Variants in DHRS3 observed in about 807,000 individuals in gnomAD.
DHRS3 encodes short-chain dehydrogenase/reductase 3.
Under a neutral mutation model 27.2 loss-of-function variants are expected in DHRS3, and 14 were observed. The observed-to-expected ratio is 0.52, with a 90% CI of 0.34 to 0.81. The LOEUF is 0.81. DHRS3 is among the 30% of genes least tolerant of loss of function. DHRS3 has a pLI of 0.01. For synonymous variants in DHRS3, 165 were observed against 175.9 expected (o/e 0.94, Z 0.49); for missense variants, 322 against 406.2 (o/e 0.79, Z 1.78).
chr1:12,592,436 G>C lies in DHRS3; in HGVS notation c.196-11770C>G, dbSNP rs1457333421. ...GTGTCCTCATGAGAGACAGAAGAAA[G>C]ACATACACAGAGGAGAGGAAGGCCG... is the stretch of plus-strand genomic sequence containing the variant. On this transcript the variant is annotated intron_variant, in intron 1 of 5. Transcript: ENST00000616661. The surrounding 1 kb of genome is among the most constrained non-coding windows in gnomAD (Gnocchi z 4.2). 6.6e-6 allele frequency among the ~76,000 whole-genome samples: 1 copy of C among 152,172 alleles called. No individual in the cohort carries two copies. Among genetic ancestry groups the C allele is most frequent in the Non-Finnish European group, 1.5e-5 (1 of 68,022 alleles).
chr1:12,575,810 G>A (rs58404628), intron 4 of DHRS3, among the ~76,000 whole-genome samples: 2 of 152,044 alleles, frequency 1.3e-5, no homozygotes, highest in Admixed American at 6.6e-5. Context: ...AGGTTCAAGC[G>A]ATCCTCCTGC....
chr1:12,606,489 T>G (rs1646872403), intron 1 of DHRS3, among the ~76,000 whole-genome samples: 1 of 151,946 alleles, frequency 6.6e-6, no homozygotes, highest in South Asian at 2.1e-4. Flanking sequence ...TTATTTTATT[T>G]TATTTATTTA....
intron 5 of DHRS3, among the ~76,000 whole-genome samples, chr1:12,569,240 C>T (rs1196284241): frequency 6.9e-6 from 1 of 143,982 alleles, no homozygotes; most frequent in African/African-American, 2.5e-5. Flanking sequence ...CTCACACACA[C>T]ACACACACAC....
intron 1 of DHRS3, among the ~76,000 whole-genome samples, chr1:12,581,932 T>C (rs1249704998): frequency 2.6e-5 from 4 of 152,144 alleles, no homozygotes; most frequent in Non-Finnish European, 5.9e-5. Flanking sequence ...ATCAGTGAAA[T>C]TCCCCCTTAA....
intron 1 of DHRS3, among the ~76,000 whole-genome samples, chr1:12,599,153 T>C (rs1334195831): frequency 2.0e-5 from 3 of 152,270 alleles, no homozygotes; most frequent in Non-Finnish European, 2.9e-5. Context: ...TAATCTCTGC[T>C]AGGACGAAGG....
intron 1 of DHRS3, among the ~76,000 whole-genome samples, chr1:12,613,672 C>A (rs1374141206): frequency 6.6e-6 from 1 of 152,324 alleles, no homozygotes; most frequent in East Asian, 1.9e-4. Context: ...GCTGTAAATT[C>A]ACTGACAGCA....
At chr1:12,581,936 C>T (rs1646648179) in intron 1 of DHRS3, among the ~76,000 whole-genome samples, 1 of 152,126 alleles carries the variant, frequency 6.6e-6, no homozygotes, top group Admixed American at 6.5e-5. Context: ...GTGAAATTCC[C>T]CCTTAAAAAA....
At chr1:12,579,074 C>A in intron 3 of DHRS3, 118 bp from the exon 4 acceptor site, 1 of 1,255,878 alleles carries the variant, frequency 8.0e-7, no homozygotes, top group Non-Finnish European at 1.1e-6. Flanking sequence ...CCGAGCCTTC[C>A]TGCGAGGGAG....
chr1:12,570,036 G>C (rs1646522229), intron 5 of DHRS3: 1 of 152,176 alleles, frequency 6.6e-6, no homozygotes, highest in Admixed American at 6.5e-5. Flanking sequence ...GCTCCTTGTC[G>C]AGGGGAGTGC....
At chr1:12,613,530 C>T (rs960823411) in intron 1 of DHRS3, among the ~76,000 whole-genome samples, 1 of 152,176 alleles carries the variant, frequency 6.6e-6, no homozygotes, top group Non-Finnish European at 1.5e-5. Context: ...TAAGCTTGGG[C>T]TGGCCCCAGG....
chr1:12,604,746 G>A (rs1407015449), intron 1 of DHRS3, among the ~76,000 whole-genome samples: 1 of 152,202 alleles, frequency 6.6e-6, no homozygotes, highest in East Asian at 1.9e-4. Context: ...CACTTCACCT[G>A]GATCTCAGAA....
intron 4 of DHRS3, among the ~76,000 whole-genome samples, chr1:12,575,764 T>C (rs10864571): frequency 0.17 from 26,012 of 151,950 alleles, 2,452 homozygotes; most frequent in East Asian, 0.26. Flanking sequence ...TGGAGTGCAA[T>C]TGTGCAATCT....
chr1:12,599,757 G>A (rs1189205115), intron 1 of DHRS3, among the ~76,000 whole-genome samples: 1 of 152,144 alleles, frequency 6.6e-6, no homozygotes. Context: ...TTAGACCCCA[G>A]TCCTAGGCAC....
At chr1:12,587,866 G>A (rs1377927410) in intron 1 of DHRS3, among the ~76,000 whole-genome samples, 2 of 152,192 alleles carry the variant, frequency 1.3e-5, no homozygotes, top group Admixed American at 6.5e-5. Context: ...CCCAGCCCCC[G>A]AGTGGTGCTC....
chr1:12,587,295 A>T (rs1021062876), intron 1 of DHRS3, among the ~76,000 whole-genome samples: 1 of 151,876 alleles, frequency 6.6e-6, no homozygotes, highest in Non-Finnish European at 1.5e-5. Context: ...GGTGCAAGCC[A>T]CTACTCCTGG....
intron 1 of DHRS3, among the ~76,000 whole-genome samples, chr1:12,590,457 T>A (rs564656145): frequency 6.6e-6 from 1 of 152,064 alleles, no homozygotes; most frequent in African/African-American, 2.4e-5. Context: ...ATTACAGGCA[T>A]GCGCCACCAC....
intron 1 of DHRS3, among the ~76,000 whole-genome samples, chr1:12,602,680 G>A (rs1646843822): frequency 6.6e-6 from 1 of 152,258 alleles, no homozygotes; most frequent in Non-Finnish European, 1.5e-5. Context: ...TTACCCAGGA[G>A]GTGATAGGAG....
chr1:12,611,235 A>T (rs777496329), intron 1 of DHRS3, among the ~76,000 whole-genome samples: 7 of 152,222 alleles, frequency 4.6e-5, no homozygotes, highest in Non-Finnish European at 7.3e-5. Flanking sequence ...GAGAATTAGC[A>T]GAAGGGCTGG....
intron 1 of DHRS3, among the ~76,000 whole-genome samples, chr1:12,581,530 ACCCGG>A (rs1646643947): frequency 2.0e-5 from 3 of 152,152 alleles, no homozygotes; most frequent in Non-Finnish European, 2.9e-5. Flanking sequence ...GCATGGCCTC[ACCCGG>A]CAGGTAACAA....
Sources: allele counts gnomAD v4.1 joint callset (sites outside exome capture counted in the v4.1 genomes callset), GRCh38; gene constraint gnomAD v4.1.1; non-coding constraint Gnocchi (gnomAD v3.1); transcripts MANE v1.5; gene names NCBI Gene and HGNC (gene_info 2026-07-23, HGNC 2026-07-21).